Variants in MS4A8 observed in about 807,000 individuals in gnomAD.
MS4A8 encodes membrane-spanning 4-domains subfamily A member 8.
A neutral mutation model predicts 23.7 loss-of-function variants in MS4A8; 27 were observed. The observed-to-expected ratio is 1.14, with a 90% CI of 0.84 to 1.57. The LOEUF is 1.57. MS4A8 is among the 40% of genes most tolerant of loss of function. The pLI, the probability that MS4A8 is intolerant of heterozygous loss-of-function variation, is 0.00. For missense variants in MS4A8, 301 were observed against 311.4 expected, an observed-to-expected ratio of 0.97 and a Z score of 0.25; for synonymous variants, 138 against 126.3, an observed-to-expected ratio of 1.09 and a Z score of -0.62.
chr11:60,707,852 CA>C (rs1382248637), intron 4 of MS4A8, among the ~76,000 whole-genome samples: 1 of 112,070 alleles, frequency 8.9e-6, no homozygotes, highest in Non-Finnish European at 1.7e-5. Flanking sequence ...GTGTGTGAGA[CA>C]GAGTCTCACT....
In MS4A8 at chr11:60,703,515, T is replaced by C. The variant is rs780142389; in HGVS notation, c.342+15T>C. On this transcript the variant is annotated intron_variant, in intron 3 of 6. Transcript: ENST00000300226. The stretch of plus-strand genomic sequence containing the variant: ...GAGGCTTGTGGGTGAGTAACTCAAG[T>C]CCTCCTGCCGATGAGCTCCCAGAAG... The C allele has an allele frequency of 6.2e-7, 1 of 1,605,302 alleles. No individual in the cohort carries two copies.
intron 5 of MS4A8, chr11:60,709,015 G>T (rs1403237137): frequency 8.7e-6 from 4 of 460,510 alleles, no homozygotes; most frequent in South Asian, 6.5e-5. Context: ...AATGTTGAGA[G>T]AATTAAATGC....
At chr11:60,703,866 C>G (rs903512368) in intron 3 of MS4A8, among the ~76,000 whole-genome samples, 3 of 152,184 alleles carry the variant, frequency 2.0e-5, no homozygotes, top group Admixed American at 2.0e-4. Context: ...TGCCTGTGCC[C>G]TAGTCTCCTC....
chr11:60,710,259 A>T (rs186164664), intron 5 of MS4A8, among the ~76,000 whole-genome samples: 34 of 152,360 alleles, frequency 2.2e-4, no homozygotes, highest in African/African-American at 7.9e-4. Context: ...GGCTCCAGCC[A>T]AATCTTCTCC....
intron 5 of MS4A8, among the ~76,000 whole-genome samples, chr11:60,710,033 G>A (rs1348129631): frequency 6.6e-6 from 1 of 151,944 alleles, no homozygotes; most frequent in Non-Finnish European, 1.5e-5. Context: ...ATCCCCAATG[G>A]GGTGATTGAT....
At chr11:60,711,302 G>A (rs2088298377) in intron 5 of MS4A8, among the ~76,000 whole-genome samples, 1 of 152,158 alleles carries the variant, frequency 6.6e-6, no homozygotes, top group African/African-American at 2.4e-5. Context: ...GTTTGTATTT[G>A]ACCAGATCCT....
chr11:60,704,116 C>CTTT (rs1245958477), intron 3 of MS4A8, among the ~76,000 whole-genome samples: 23 of 126,840 alleles, frequency 1.8e-4, no homozygotes, highest in Non-Finnish European at 3.0e-4. Flanking sequence ...TTTCTTTTTA[C>CTTT]TTTTTTTTTT....
intron 3 of MS4A8, 59 bp from the exon 4 acceptor site, chr11:60,706,929 C>A: frequency 6.9e-7 from 1 of 1,451,980 alleles, no homozygotes; most frequent in Non-Finnish European, 9.7e-7. Context: ...ATCACAGAAG[C>A]CTGGGGAAGG....
At chr11:60,714,852 C>T (rs545104106) in intron 5 of MS4A8, among the ~76,000 whole-genome samples, 169 bp from the exon 6 acceptor site, 2 of 152,188 alleles carry the variant, frequency 1.3e-5, no homozygotes, top group Admixed American at 1.3e-4. Flanking sequence ...TTCTTTTACC[C>T]CCATACTTGA....
At chr11:60,714,823 GT>G (rs2088328478) in intron 5 of MS4A8, among the ~76,000 whole-genome samples, 197 bp from the exon 6 acceptor site, 1 of 152,094 alleles carries the variant, frequency 6.6e-6, no homozygotes, top group Admixed American at 6.5e-5. Context: ...ACACTACCAA[GT>G]AAATGTTGCA....
At chr11:60,714,384 G>T (rs76076181) in intron 5 of MS4A8, among the ~76,000 whole-genome samples, 2 of 152,278 alleles carry the variant, frequency 1.3e-5, no homozygotes, top group Non-Finnish European at 1.5e-5. Context: ...CGAGGCAGAA[G>T]AATTTTTCTT....
chr11:60,714,613 C>T (rs925993079), intron 5 of MS4A8, among the ~76,000 whole-genome samples: 2 of 152,022 alleles, frequency 1.3e-5, no homozygotes, highest in South Asian at 2.1e-4. Context: ...CCCACCATGG[C>T]GCTCAACTCC....
intron 3 of MS4A8, among the ~76,000 whole-genome samples, chr11:60,705,714 A>G (rs1428795574): frequency 6.6e-6 from 1 of 152,236 alleles, no homozygotes; most frequent in African/African-American, 2.4e-5. Context: ...TTCACTGTAA[A>G]TAACTATGTC....
chr11:60,699,817 G>A (rs975744272), intron 1 of MS4A8, 42 bp downstream of exon 1: 4 of 152,412 alleles, frequency 2.6e-5, no homozygotes, highest in South Asian at 2.1e-4. Flanking sequence ...GGGAGTTGGT[G>A]ATAAGGTTTT....
chr11:60,711,795 A>G (rs2088302501), intron 5 of MS4A8: 1 of 456,040 alleles, frequency 2.2e-6, no homozygotes, highest in Non-Finnish European at 4.4e-6. Context: ...GGGAGCAGCA[A>G]TTTTTGATTC....
chr11:60,707,832 T>TG (rs1234765857), intron 4 of MS4A8, among the ~76,000 whole-genome samples: 2 of 139,254 alleles, frequency 1.4e-5, no homozygotes, highest in African/African-American at 2.8e-5. Context: ...TTTTTTTTTT[T>TG]TTTGTGTGTG....
At chr11:60,704,971 T>G (rs1047361699) in intron 3 of MS4A8, among the ~76,000 whole-genome samples, 1 of 152,110 alleles carries the variant, frequency 6.6e-6, no homozygotes, top group African/African-American at 2.4e-5. Flanking sequence ...GTCTTCCTCC[T>G]GACTCACACA....
intron 5 of MS4A8, among the ~76,000 whole-genome samples, chr11:60,711,369 C>A (rs965549618): frequency 6.6e-6 from 1 of 152,214 alleles, no homozygotes; most frequent in African/African-American, 2.4e-5. Flanking sequence ...CAAAGCCTCT[C>A]CCTAGAGATC....
In MS4A8 at chr11:60,715,561, A is replaced by G. The variant is rs966889689; in HGVS notation, c.*147A>G. The G allele has an allele frequency of 1.1e-5, 7 of 627,570 alleles. No individual in the cohort carries two copies. Among genetic ancestry groups the G allele is most frequent in the Middle Eastern group, 3.5e-4 (1 of 2,824 alleles). The allele number at this position is 627,570 out of a possible 1,614,324, so 38.9% of individuals were successfully genotyped here. A position where few individuals can be genotyped will look rare whatever the true frequency, so the allele number is the denominator to read the frequency against. On this transcript the variant is annotated 3_prime_UTR_variant, in exon 7 of 7. Transcript: ENST00000300226. ...TACTCTCACCTTCATTCTTCAATTC[A>G]GTCTAGGAAACCATGCTGTTTCTCT...
Sources: gnomAD v4.1 joint callset for allele counts (sites outside exome capture counted in the v4.1 genomes callset) on GRCh38, gnomAD v4.1.1 for gene constraint, MANE v1.5 for transcripts, NCBI Gene and HGNC (gene_info 2026-07-23, HGNC 2026-07-21) for gene names.